The following RALGPS2 variants were observed in gnomAD, a reference collection of about 807,000 sequenced individuals.
RALGPS2 encodes Ral GEF with PH domain and SH3 binding motif 2.
A neutral mutation model predicts 86.8 loss-of-function variants in RALGPS2; 43 were observed. The observed-to-expected ratio is 0.50, with a 90% CI of 0.39 to 0.64. The LOEUF (loss-of-function observed/expected upper bound fraction) is 0.64. RALGPS2 is among the 30% of genes least tolerant of loss of function. The probability of loss-of-function intolerance (pLI) is 0.00; values close to 1 mark genes in which losing one functional copy is unlikely to be tolerated. For missense variants in RALGPS2, 536 were observed against 694.6 expected (o/e 0.77, Z 2.57); for synonymous variants, 243 against 231.3 (o/e 1.05, Z -0.46).
intron 4 of RALGPS2, among the ~76,000 whole-genome samples, chr1:178,790,194 C>T (rs1558121062): frequency 6.6e-6 from 1 of 152,106 alleles, no homozygotes; most frequent in Non-Finnish European, 1.5e-5. Context: ...TCGAGTGATC[C>T]TTCTGCCTTG....
chr1:178,877,202 A>G (rs1659042214), intron 8 of RALGPS2, among the ~76,000 whole-genome samples: 1 of 152,108 alleles, frequency 6.6e-6, no homozygotes, highest in East Asian at 1.9e-4. Context: ...ATTAATTCCC[A>G]TATGTGCTGG....
intron 4 of RALGPS2, among the ~76,000 whole-genome samples, chr1:178,798,635 GT>G (rs1026782712): frequency 5.4e-5 from 8 of 149,014 alleles, no homozygotes; most frequent in African/African-American, 1.2e-4. Flanking sequence ...ATTGTGTTTC[GT>G]TTTTTTTTTA....
At chr1:178,795,853 A>G (rs2102156093) in intron 4 of RALGPS2, among the ~76,000 whole-genome samples, 1 of 152,372 alleles carries the variant, frequency 6.6e-6, no homozygotes, top group Middle Eastern at 3.4e-3. Context: ...AGCATCAGGA[A>G]TATCATAATT....
intron 1 of RALGPS2, among the ~76,000 whole-genome samples, chr1:178,764,490 A>T (rs1029603313): frequency 6.6e-6 from 1 of 152,070 alleles, no homozygotes; most frequent in African/African-American, 2.4e-5. Context: ...CGATGTGTGG[A>T]TTATTTCCTT....
At chr1:178,882,988 G>T (rs916531869) in intron 10 of RALGPS2, among the ~76,000 whole-genome samples, 1 of 152,156 alleles carries the variant, frequency 6.6e-6, no homozygotes, top group Non-Finnish European at 1.5e-5. Context: ...TAAAGTATCA[G>T]TGTAAGCTCT....
At chr1:178,835,507 C>T (rs767825983) in intron 8 of RALGPS2, among the ~76,000 whole-genome samples, 5 of 151,592 alleles carry the variant, frequency 3.3e-5, no homozygotes, top group African/African-American at 7.3e-5. Context: ...ATTCTCCTGC[C>T]TCAGCCTCCC....
intron 17 of RALGPS2, among the ~76,000 whole-genome samples, chr1:178,901,859 G>A (rs1394893105): frequency 1.3e-5 from 2 of 151,978 alleles, no homozygotes; most frequent in Non-Finnish European, 2.9e-5. Context: ...TGGGAATAGG[G>A]AATAGATCAG....
intron 19 of RALGPS2, among the ~76,000 whole-genome samples, chr1:178,911,533 C>G (rs966145672): frequency 3.9e-5 from 6 of 152,012 alleles, no homozygotes; most frequent in African/African-American, 1.4e-4. Flanking sequence ...GAGAAAACTT[C>G]TTGGTATTGA....
chr1:178,796,091 A>G (rs970770019), intron 4 of RALGPS2, among the ~76,000 whole-genome samples: 16 of 152,122 alleles, frequency 1.1e-4, no homozygotes, highest in Non-Finnish European at 2.1e-4. Flanking sequence ...ATATAATAAG[A>G]TAAGGCTTAG....
intron 4 of RALGPS2, among the ~76,000 whole-genome samples, chr1:178,802,214 G>A (rs562274604): frequency 1.3e-5 from 2 of 151,964 alleles, no homozygotes; most frequent in South Asian, 4.2e-4. Flanking sequence ...TATTCTTAAA[G>A]TAAGCTAGAA....
intron 10 of RALGPS2, among the ~76,000 whole-genome samples, chr1:178,882,341 T>C (rs1211058002): frequency 6.6e-6 from 1 of 152,244 alleles, no homozygotes. Flanking sequence ...GTAATCTCTA[T>C]TATATTCCAG....
At chr1:178,830,530 G>C (rs994787235) in intron 7 of RALGPS2, among the ~76,000 whole-genome samples, 56 of 152,126 alleles carry the variant, frequency 3.7e-4, no homozygotes, top group African/African-American at 1.4e-3. Context: ...CACCAGTTTG[G>C]GGGAAAAAAT....
chr1:178,833,511 A>T lies in RALGPS2; in HGVS notation c.568A>T (p.Ile190Leu). 3 of 1,533,210 alleles carry T rather than the reference A, an allele frequency of 2.0e-6. No individual in the cohort carries two copies. Among genetic ancestry groups the T allele is most frequent in the Non-Finnish European group, 2.6e-6 (3 of 1,152,028 alleles). 95.0% of individuals were successfully genotyped at this position (1,533,210 alleles called of 1,614,324 possible). The change falls in exon 8 of 20, where the codon ATA (isoleucine) becomes TTA (leucine). Residue 190 changes from isoleucine (I) to leucine (L), a missense_variant. Ile to Leu is a conservative substitution (Grantham distance 5). Around this residue, in one of 3 missense-constraint regions of RALGPS2, gnomAD observed 184 missense variants for 296.7 expected, o/e 0.62. Transcript: ENST00000367635. Reference protein sequence around the residue: ...EDNYKRLRDYISSLKMTPCIP... With the variant: ...EDNYKRLRDYLSSLKMTPCIP... ...TAACTACAAAAGACTCAGAGACTAT[A>T]TAAGTAGCTTAAAGATGACACCTTG...
chr1:178,769,365 G>C (rs61821341), intron 1 of RALGPS2, among the ~76,000 whole-genome samples: 1 of 151,992 alleles, frequency 6.6e-6, no homozygotes, highest in Admixed American at 6.5e-5. Flanking sequence ...CTGCCTAAGC[G>C]TGCAGTAGAG....
At chr1:178,904,750 C>T (rs1029549875) in intron 18 of RALGPS2, among the ~76,000 whole-genome samples, 3 of 152,082 alleles carry the variant, frequency 2.0e-5, no homozygotes, top group Non-Finnish European at 2.9e-5. Flanking sequence ...GTGACTGTGG[C>T]CTTACGGTAT....
chr1:178,806,727 G>A (rs1233833733), intron 4 of RALGPS2, among the ~76,000 whole-genome samples: 1 of 151,794 alleles, frequency 6.6e-6, no homozygotes, highest in Non-Finnish European at 1.5e-5. Context: ...ATATGGTTTT[G>A]GCTTCTTTTT....
intron 18 of RALGPS2, 36 bp downstream of exon 18, chr1:178,902,247 C>T (rs200734937): frequency 4.5e-5 from 66 of 1,482,240 alleles, no homozygotes; most frequent in African/African-American, 1.1e-4. Flanking sequence ...TACGATACTG[C>T]GTATGTGTTT....
chr1:178,830,828 T>C (rs1242107412), intron 7 of RALGPS2, among the ~76,000 whole-genome samples: 4 of 152,166 alleles, frequency 2.6e-5, no homozygotes, highest in Admixed American at 6.5e-5. Context: ...GCGGAAGATA[T>C]GTGCAACAGT....
rs1258343287 is a variant in RALGPS2, at chr1:178,921,362, C to T, written c.*5003C>T. 6.6e-6 allele frequency: 1 copy of T among 151,882 alleles called. No individual in the cohort carries two copies. The highest frequency in any genetic ancestry group is 2.4e-5 in the African/African-American group (1 of 41,382). 9.4% of individuals were successfully genotyped at this position (151,882 alleles called of 1,614,324 possible). On this transcript the variant is annotated 3_prime_UTR_variant, in exon 20 of 20. Coordinates refer to ENST00000367635, the MANE Select transcript of RALGPS2 (RefSeq NM_152663.5). ...AATATTGTTTCCCCTGAAGATATGA[C>T]CTACTAGAACTACTCACATATATAG...
Sources: allele counts gnomAD v4.1 joint callset (sites outside exome capture counted in the v4.1 genomes callset), GRCh38; gene constraint gnomAD v4.1.1; regional missense constraint gnomAD v4.1.1; transcripts MANE v1.5; gene names NCBI Gene and HGNC (gene_info 2026-07-23, HGNC 2026-07-21).